CACNA1C: variants seen among roughly 807,000 people sequenced by gnomAD.
The protein encoded by CACNA1C is calcium voltage-gated channel subunit alpha1 C.
Under a neutral mutation model 229.0 loss-of-function variants are expected in CACNA1C, and 30 were observed. That is an observed-to-expected ratio of 0.13 (90% CI 0.10 to 0.18). The LOEUF is 0.18. Ranked by LOEUF, CACNA1C falls within the 10% of genes least tolerant of loss-of-function variation. CACNA1C has a pLI of 1.00. For missense variants in CACNA1C, 1,658 were observed against 2,845.0 expected (o/e 0.58, Z 9.49); for synonymous variants, 1,114 against 1,132.5 (o/e 0.98, Z 0.33).
At chr12:2,444,434 A>G (rs1468281969) in intron 3 of CACNA1C, among the ~76,000 whole-genome samples, 1 of 152,086 alleles carries the variant, frequency 6.6e-6, no homozygotes, top group Non-Finnish European at 1.5e-5. Context: ...GAGGTTTCTG[A>G]TGGGATGCAC....
At position 2,334,293 on chromosome 12, in the gene CACNA1C, G is replaced by A. The variant is rs983382930; in HGVS notation, c.478-114683G>A. On this transcript the variant is annotated intron_variant, in intron 3 of 46. Coordinates refer to ENST00000399655, the MANE Select transcript of CACNA1C (RefSeq NM_000719.7). ...ACTGCAGTTCAGCAGACATTTACCA[G>A]CATATGCCAGTCACTCTACTGGAAC... Among the ~76,000 whole-genome samples the A allele has an allele frequency of 9.9e-5, 15 of 152,212 alleles. 1 individual carries two copies. The highest frequency in any genetic ancestry group is 2.9e-5 in the Non-Finnish European group (2 of 68,036).
At chr12:2,002,551 G>A (rs1434945529) in intron 1 of CACNA1C, among the ~76,000 whole-genome samples, 3 of 152,192 alleles carry the variant, frequency 2.0e-5, no homozygotes, top group Non-Finnish European at 4.4e-5. Context: ...ATAAACATCT[G>A]TAACTATCTT....
Position 2,688,753 on chromosome 12 carries a change from G to A in CACNA1C, c.6091G>A (p.Gly2031Ser), listed in dbSNP as rs1464980383. 1.0e-5 allele frequency: 16 copies of A among 1,570,160 alleles called. No individual in the cohort carries two copies. Among genetic ancestry groups the A allele is most frequent in the African/African-American group, 2.7e-5 (2 of 73,898 alleles). Reference sequence around the variant, plus strand: ...TGGGGCCCCAGGGAGGCAGTTCCACGGCAGTGCCAGCAGCCTGGTGGAAGC... The same window carrying A: ...TGGGGCCCCAGGGAGGCAGTTCCACAGCAGTGCCAGCAGCCTGGTGGAAGC... ...QAGAPGRQFH[G>S]SASSLVEAVL... Residue 2031 changes from glycine (G) to serine (S), a missense_variant, in exon 46 of 47, where the codon GGC becomes AGC. By Grantham distance (56) the Gly-to-Ser change is moderately conservative. Transcript: ENST00000399655.
chr12:2,274,738 G>C (rs1379090073), intron 3 of CACNA1C, among the ~76,000 whole-genome samples: 3 of 152,232 alleles, frequency 2.0e-5, no homozygotes, highest in Non-Finnish European at 4.4e-5. Context: ...ACCTAGGGCT[G>C]TCTGATTCCG....
In CACNA1C at chr12:2,574,380, G is replaced by A. The variant is rs552485076; in HGVS notation, c.1895+6586G>A. On this transcript the variant is annotated intron_variant, in intron 13 of 46. Transcript: ENST00000399655. ...GAAGGGCTCCAGACAGATTCAATCC[G>A]GACGTGATACCAGTTTACTGATTGC... is the stretch of plus-strand genomic sequence containing the variant. Among the ~76,000 whole-genome samples, 12 of 152,268 alleles carry A rather than the reference G, an allele frequency of 7.9e-5. No homozygotes were observed. The East Asian group carries it at 9.7e-4, about 12-fold the overall frequency.
At chr12:2,357,500 T>C (rs1375571058) in intron 3 of CACNA1C, among the ~76,000 whole-genome samples, 1 of 152,158 alleles carries the variant, frequency 6.6e-6, no homozygotes, top group Non-Finnish European at 1.5e-5. Flanking sequence ...CAATTCCCTC[T>C]TCTCAAGGTG....
At chr12:2,307,158 C>T (rs572069556) in intron 3 of CACNA1C, among the ~76,000 whole-genome samples, 1 of 152,306 alleles carries the variant, frequency 6.6e-6, no homozygotes, top group East Asian at 1.9e-4. Flanking sequence ...TGCAAAGCTG[C>T]AAATCTGACC....
chr12:2,560,737 A>G (rs1030453237), intron 11 of CACNA1C, among the ~76,000 whole-genome samples: 1 of 152,056 alleles, frequency 6.6e-6, no homozygotes, highest in African/African-American at 2.4e-5. Context: ...ACCATCAGCA[A>G]CAAGGCACAA....
At chr12:2,341,202 G>T (rs1386202773) in intron 3 of CACNA1C, among the ~76,000 whole-genome samples, 3 of 152,144 alleles carry the variant, frequency 2.0e-5, no homozygotes, top group African/African-American at 7.2e-5. Context: ...ACAGATCCTG[G>T]TTCCTCCCTG....
chr12:2,004,002 C>G (rs2042786166), intron 1 of CACNA1C, among the ~76,000 whole-genome samples: 1 of 152,186 alleles, frequency 6.6e-6, no homozygotes, highest in Non-Finnish European at 1.5e-5. Flanking sequence ...TCCTTTCCTT[C>G]GGCTCTTATG....
In CACNA1C at chr12:2,319,685, T is replaced by C. The variant is rs1439446780; in HGVS notation, c.478-129291T>C. On this transcript the variant is annotated intron_variant, in intron 3 of 46. Coordinates refer to ENST00000399655, the MANE Select transcript of CACNA1C (RefSeq NM_000719.7). The surrounding 1 kb of genome is among the most constrained non-coding windows in gnomAD (Gnocchi z 4.0). ...CTCTTTGGCTTGCTCTTGCTGTGTATTAAATTTGATCTGGGGTGTCTGCAA... is the reference window on the plus strand; with the variant it reads ...CTCTTTGGCTTGCTCTTGCTGTGTACTAAATTTGATCTGGGGTGTCTGCAA... Among the ~76,000 whole-genome samples, 1 of 152,174 alleles carries C rather than the reference T, an allele frequency of 6.6e-6. No homozygotes were observed. Among genetic ancestry groups the C allele is most frequent in the Admixed American group, 6.5e-5 (1 of 15,280 alleles).
intron 3 of CACNA1C, among the ~76,000 whole-genome samples, chr12:2,298,228 CT>C (rs2094238793): frequency 6.6e-6 from 1 of 152,236 alleles, no homozygotes; most frequent in South Asian, 2.1e-4. Context: ...TAGTCTCAGC[CT>C]TCTTTCACAA....
chr12:2,184,994 G>A (rs987243078), intron 3 of CACNA1C, among the ~76,000 whole-genome samples: 1 of 152,174 alleles, frequency 6.6e-6, no homozygotes, highest in Non-Finnish European at 1.5e-5. Context: ...GGGGGGACAG[G>A]CCCTACTGGC....
At chr12:1,985,954 G>A (rs1279945938) in intron 1 of CACNA1C, among the ~76,000 whole-genome samples, 1 of 152,154 alleles carries the variant, frequency 6.6e-6, no homozygotes, top group East Asian at 1.9e-4. Flanking sequence ...GGGACTGCAG[G>A]TGCCTGCCAC....
chr12:2,181,576 CCATCAGAA>C lies in CACNA1C; in HGVS notation c.477+61148_477+61155del, dbSNP rs1211219672. 6.6e-6 allele frequency among the ~76,000 whole-genome samples: 1 copy of C among 152,082 alleles called. No individual in the cohort carries two copies. Among genetic ancestry groups the C allele is most frequent in the African/African-American group, 2.4e-5 (1 of 41,386 alleles). On this transcript the variant is annotated intron_variant, in intron 3 of 46. Transcript: ENST00000399655. This position sits in a 1 kb window ranked among gnomAD's most constrained non-coding sequence, Gnocchi z 4.0. The stretch of plus-strand genomic sequence containing the variant: ...CAGGTGTTTTATTTTATTCTTGTTG[CCATCAGAA>C]CTGCTACAAATATGACACAATTCCA...
chr12:2,304,366 A>G (rs937946096), intron 3 of CACNA1C, among the ~76,000 whole-genome samples: 5 of 152,164 alleles, frequency 3.3e-5, no homozygotes, highest in African/African-American at 1.2e-4. Context: ...TCACCAAGCA[A>G]GCCAAGGGTC....
rs111572469 is a variant in CACNA1C at position 2,015,740 on chromosome 12, C to A, written c.139+44539C>A. 5.9e-3 allele frequency among the ~76,000 whole-genome samples: 899 copies of A among 152,278 alleles called. 9 individuals are homozygous for A. The highest frequency in any genetic ancestry group is 0.02 in the African/African-American group (838 of 41,566). ...TCAAACAGCAGGCAGAATGGAGAAC[C>A]ACTGGACAGCCTGGTTGGCAGCCTC... On this transcript the variant is annotated intron_variant, in intron 1 of 46. Transcript: ENST00000682462.
intron 5 of CACNA1C, among the ~76,000 whole-genome samples, chr12:2,462,771 A>G (rs1385762741): frequency 1.3e-5 from 2 of 152,136 alleles, no homozygotes; most frequent in African/African-American, 2.4e-5. Context: ...TTTGATCTTC[A>G]TGACAATTGG....
intron 1 of CACNA1C, among the ~76,000 whole-genome samples, chr12:1,997,267 G>A (rs1014402124): frequency 4.6e-5 from 7 of 152,182 alleles, no homozygotes; most frequent in Non-Finnish European, 1.0e-4. Flanking sequence ...GGTGGCTCAC[G>A]CCTGTAATCC....
Sources: gnomAD v4.1 joint callset for allele counts (sites outside exome capture counted in the v4.1 genomes callset) on GRCh38, gnomAD v4.1.1 for gene constraint, Gnocchi (gnomAD v3.1) non-coding constraint, MANE v1.5 for transcripts, NCBI Gene and HGNC (gene_info 2026-07-23, HGNC 2026-07-21) for gene names.